The following WDPCP variants were observed in gnomAD, a reference collection of about 807,000 sequenced individuals.
WDPCP encodes WD repeat-containing and planar cell polarity effector protein fritz homolog.
A neutral mutation model predicts 93.1 loss-of-function variants in WDPCP; 71 were observed. The observed-to-expected ratio is 0.76, with a 90% confidence interval of 0.63 to 0.93. The LOEUF (loss-of-function observed/expected upper bound fraction) is 0.93, where lower values mean the gene tolerates loss of function less well. WDPCP is among the 40% of genes least tolerant of loss of function. WDPCP has a pLI of 0.00. For synonymous variants in WDPCP, 315 were observed against 315.0 expected (o/e 1.00, Z 0.00); for missense variants, 844 against 887.4 (o/e 0.95, Z 0.62).
intron 14 of WDPCP, among the ~76,000 whole-genome samples, chr2:63,249,494 G>T (rs59376334): frequency 6.6e-6 from 1 of 151,740 alleles, no homozygotes; most frequent in Non-Finnish European, 1.5e-5. Flanking sequence ...TGTTTATCTA[G>T]CCTCTACAGT....
chr2:63,401,698 AG>A (rs1213839270), intron 10 of WDPCP, among the ~76,000 whole-genome samples: 1 of 152,090 alleles, frequency 6.6e-6, no homozygotes, highest in Non-Finnish European at 1.5e-5. Flanking sequence ...CCAGCTACTC[AG>A]GGGGCTGAAG....
At chr2:63,746,673 C>G (rs1329646372) in intron 2 of WDPCP, among the ~76,000 whole-genome samples, 9 of 152,162 alleles carry the variant, frequency 5.9e-5, no homozygotes, top group Non-Finnish European at 1.0e-4. Context: ...ACGCCCTAGT[C>G]TCCTGCAGCG....
intron 14 of WDPCP, among the ~76,000 whole-genome samples, chr2:63,242,433 A>C (rs970316881): frequency 6.6e-6 from 1 of 152,108 alleles, no homozygotes; most frequent in Non-Finnish European, 1.5e-5. Context: ...TTGTTTCTCC[A>C]TGTTTTTCTT....
chr2:63,446,861 T>C (rs1188868552), intron 6 of WDPCP, among the ~76,000 whole-genome samples: 1 of 152,228 alleles, frequency 6.6e-6, no homozygotes, highest in Non-Finnish European at 1.5e-5. Context: ...CCTTCTTATT[T>C]ATACTTCAGT....
chr2:63,334,909 C>T (rs1301596771), intron 12 of WDPCP, among the ~76,000 whole-genome samples: 1 of 152,080 alleles, frequency 6.6e-6, no homozygotes, highest in Non-Finnish European at 1.5e-5. Context: ...AGATCTTTAC[C>T]CTAAAACAGT....
intron 3 of WDPCP, chr2:63,605,914 G>A (rs749201731): frequency 1.3e-6 from 2 of 1,574,628 alleles, no homozygotes; most frequent in Non-Finnish European, 1.7e-6. Context: ...ATCATCATGA[G>A]TATGTGAAAC....
At position 63,575,428 on chromosome 2, in the gene WDPCP, G is replaced by GTATATACAGCGTATGCAC. The variant is rs1558832315; in HGVS notation, c.75+12768_75+12769insGTGCATACGCTGTATATA. The stretch of plus-strand genomic sequence containing the variant: ...ATATACAGTATATACACTGTATACA[G>GTATATACAGCGTATGCAC]TGTATATACAGTGTATACACTGTAT... On this transcript the variant is annotated intron_variant, in intron 1 of 17. Transcript: ENST00000272321. Among the ~76,000 whole-genome samples, 3 of 30,074 alleles carry GTATATACAGCGTATGCAC rather than the reference G, an allele frequency of 1.0e-4. 1 individual carries two copies. Among genetic ancestry groups the GTATATACAGCGTATGCAC allele is most frequent in the Admixed American group, 3.6e-4 (1 of 2,750 alleles). 19.7% of individuals were successfully genotyped at this position (30,074 alleles called of 152,430 possible).
intron 1 of WDPCP, among the ~76,000 whole-genome samples, chr2:63,814,532 C>A (rs1558917566): frequency 6.6e-6 from 1 of 152,180 alleles, no homozygotes; most frequent in East Asian, 1.9e-4. Context: ...AGGCACCTAA[C>A]TCTTGTTGTT....
intron 2 of WDPCP, among the ~76,000 whole-genome samples, chr2:63,796,414 C>A (rs547018248): frequency 6.6e-6 from 1 of 152,354 alleles, no homozygotes; most frequent in East Asian, 1.9e-4. Context: ...ATCAGGTGAG[C>A]AATCACAGTA....
At chr2:63,646,075 C>T (rs1414471658) in intron 3 of WDPCP, among the ~76,000 whole-genome samples, 1 of 152,072 alleles carries the variant, frequency 6.6e-6, no homozygotes, top group Non-Finnish European at 1.5e-5. Flanking sequence ...TTTTCTCTTC[C>T]TTCTTTCTTC....
intron 12 of WDPCP, among the ~76,000 whole-genome samples, chr2:63,330,840 G>T (rs1299821757): frequency 1.3e-5 from 2 of 148,864 alleles, no homozygotes; most frequent in African/African-American, 4.9e-5. Flanking sequence ...TCATCCTTAG[G>T]ATGCATATGT....
chr2:63,622,932 C>T, intron 3 of WDPCP: 1 of 988,270 alleles, frequency 1.0e-6, no homozygotes, highest in Non-Finnish European at 1.5e-6. Context: ...CGCACACCTG[C>T]TGCCAGGCTC....
intron 14 of WDPCP, among the ~76,000 whole-genome samples, chr2:63,234,780 G>A (rs747505422): frequency 7.2e-5 from 11 of 152,038 alleles, no homozygotes; most frequent in East Asian, 1.9e-4. Flanking sequence ...TATGACAAGC[G>A]TACTCATGGT....
chr2:63,232,507 C>T (rs760435451), intron 14 of WDPCP: 1 of 152,364 alleles, frequency 6.6e-6, no homozygotes, highest in Non-Finnish European at 1.5e-5. Flanking sequence ...CTTTAGTTCA[C>T]TGTCCTTACT....
chr2:63,191,033 A>C (rs534560046), intron 14 of WDPCP, among the ~76,000 whole-genome samples: 2 of 152,352 alleles, frequency 1.3e-5, no homozygotes, highest in East Asian at 3.9e-4. Context: ...TGCCAAATTC[A>C]GTTTATAGAT....
chr2:63,272,289 C>T (rs1244375336), intron 13 of WDPCP, among the ~76,000 whole-genome samples: 1 of 152,114 alleles, frequency 6.6e-6, no homozygotes, highest in Non-Finnish European at 1.5e-5. Context: ...GTATGCCCAA[C>T]CAGAATCAAA....
chr2:63,831,101 T>C (rs1671185772), upstream of WDPCP, among the ~76,000 whole-genome samples: 1 of 152,100 alleles, frequency 6.6e-6, no homozygotes, highest in Non-Finnish European at 1.5e-5. Context: ...TCCTTTTCAT[T>C]CCCTCCTCCT....
At chr2:63,700,702 C>T (rs1051809412) in intron 2 of WDPCP, among the ~76,000 whole-genome samples, 1 of 152,050 alleles carries the variant, frequency 6.6e-6, no homozygotes, top group African/African-American at 2.4e-5. Context: ...AATAGAGAAC[C>T]CTGACATAAA....
chr2:63,588,449 GAGA>G lies in WDPCP; in HGVS notation c.-181_-179del. 1 of 722,628 alleles carries G rather than the reference GAGA, an allele frequency of 1.4e-6. No individual in the cohort carries two copies. Among genetic ancestry groups the G allele is most frequent in the Non-Finnish European group, 2.5e-6 (1 of 400,382 alleles). 44.8% of individuals were successfully genotyped at this position (722,628 alleles called of 1,614,324 possible). On this transcript the variant is annotated 5_prime_UTR_variant, in exon 1 of 18. Transcript: ENST00000272321. ...CTCCCGCCTCGTCGCTTAGCAACCT[GAGA>G]AGCTGTCCGGTCGTCCCAACTTATC...
Sources: allele counts gnomAD v4.1 joint callset (sites outside exome capture counted in the v4.1 genomes callset), GRCh38; gene constraint gnomAD v4.1.1; transcripts MANE v1.5; gene names NCBI Gene and HGNC (gene_info 2026-07-23, HGNC 2026-07-21).